Variants in PPP3CA observed in about 807,000 individuals in gnomAD.
The protein encoded by PPP3CA is protein phosphatase 3 catalytic subunit alpha.
Under a neutral mutation model 66.5 loss-of-function variants are expected in PPP3CA, and 14 were observed. The observed-to-expected ratio is 0.21, with a 90% confidence interval of 0.14 to 0.33. PPP3CA has a LOEUF of 0.33. Among genes scored for constraint, PPP3CA ranks in the 10% least tolerant of loss-of-function variants. The pLI, the probability that PPP3CA is intolerant of heterozygous loss-of-function variation, is 1.00. For synonymous variants in PPP3CA, 232 were observed against 226.2 expected (o/e 1.03, Z -0.23); for missense variants, 317 against 639.5 (o/e 0.50, Z 5.44).
intron 1 of PPP3CA, among the ~76,000 whole-genome samples, chr4:101,276,698 T>C (rs2850343): frequency 0.92 from 139,404 of 152,152 alleles, 64,053 homozygotes; most frequent in African/African-American, 0.97. Flanking sequence ...GCATGTTTAC[T>C]ATATTAAAAT....
At chr4:101,229,364 T>C (rs1194854615) in intron 1 of PPP3CA, among the ~76,000 whole-genome samples, 2 of 151,672 alleles carry the variant, frequency 1.3e-5, no homozygotes, top group Non-Finnish European at 3.0e-5. Context: ...AAGCCAGCTA[T>C]CTATACAAGG....
chr4:101,040,344 C>T, intron 11 of PPP3CA, 138 bp downstream of exon 11: 1 of 578,084 alleles, frequency 1.7e-6, no homozygotes, highest in Non-Finnish European at 2.7e-6. Flanking sequence ...TTTAATTTTC[C>T]TCAATTTTTA....
At chr4:101,091,895 G>C (rs955381557) in intron 6 of PPP3CA, among the ~76,000 whole-genome samples, 1 of 122,628 alleles carries the variant, frequency 8.2e-6, no homozygotes, top group Admixed American at 7.7e-5. Flanking sequence ...GGAGGAAGGA[G>C]GAGAAGAGGA....
intron 2 of PPP3CA, among the ~76,000 whole-genome samples, chr4:101,184,494 G>C (rs886220753): frequency 2.0e-5 from 3 of 151,922 alleles, no homozygotes; most frequent in Middle Eastern, 3.2e-3. Flanking sequence ...AGAAGTAAAA[G>C]ACTTAGTAAA....
At chr4:101,037,694 G>C (rs930873294) in intron 11 of PPP3CA, among the ~76,000 whole-genome samples, 5 of 151,900 alleles carry the variant, frequency 3.3e-5, no homozygotes, top group African/African-American at 1.2e-4. Flanking sequence ...AGTGAAACAT[G>C]GGTTAGAGCA....
chr4:101,292,864 T>C (rs964208406), intron 1 of PPP3CA, among the ~76,000 whole-genome samples: 2 of 152,206 alleles, frequency 1.3e-5, no homozygotes, highest in African/African-American at 4.8e-5. Flanking sequence ...GAATATTCAA[T>C]CTAGTTTGTA....
At chr4:101,201,551 T>C (rs1724967430) in intron 1 of PPP3CA, among the ~76,000 whole-genome samples, 1 of 152,214 alleles carries the variant, frequency 6.6e-6, no homozygotes, top group African/African-American at 2.4e-5. Flanking sequence ...TTTTCCCTCT[T>C]AACAAGCTCC....
intron 10 of PPP3CA, among the ~76,000 whole-genome samples, chr4:101,046,371 T>C (rs1014465196): frequency 2.0e-5 from 3 of 152,160 alleles, no homozygotes; most frequent in Non-Finnish European, 1.5e-5. Context: ...TTTTATTTGA[T>C]AGAAACACTA....
chr4:101,123,900 G>C (rs551611451), intron 2 of PPP3CA, among the ~76,000 whole-genome samples: 7 of 152,272 alleles, frequency 4.6e-5, no homozygotes, highest in African/African-American at 1.7e-4. Flanking sequence ...TAAAAAATTT[G>C]ATAAAGTTGT....
At chr4:101,291,921 G>A (rs933564221) in intron 1 of PPP3CA, among the ~76,000 whole-genome samples, 17 of 152,204 alleles carry the variant, frequency 1.1e-4, no homozygotes, top group African/African-American at 3.6e-4. Flanking sequence ...TTGAGCCCAC[G>A]GGTTTGAGAC....
At chr4:101,121,954 G>T (rs537736542) in intron 2 of PPP3CA, among the ~76,000 whole-genome samples, 1 of 152,150 alleles carries the variant, frequency 6.6e-6, no homozygotes, top group African/African-American at 2.4e-5. Flanking sequence ...TGTGAAATGT[G>T]AACTGCTAAA....
intron 8 of PPP3CA, among the ~76,000 whole-genome samples, chr4:101,078,831 C>G (rs1459866571): frequency 6.6e-6 from 1 of 152,166 alleles, no homozygotes; most frequent in Non-Finnish European, 1.5e-5. Flanking sequence ...CAGTGAATCA[C>G]TGACTCCCAC....
intron 6 of PPP3CA, among the ~76,000 whole-genome samples, chr4:101,092,681 T>C (rs1047033872): frequency 2.6e-5 from 4 of 152,110 alleles, no homozygotes; most frequent in African/African-American, 9.7e-5. Flanking sequence ...AGTGAGAACA[T>C]GAGGTGTTTG....
chr4:101,062,702 C>G (rs1470683344), intron 9 of PPP3CA, among the ~76,000 whole-genome samples: 1 of 151,912 alleles, frequency 6.6e-6, no homozygotes, highest in Non-Finnish European at 1.5e-5. Context: ...TGTTCTGTAC[C>G]TTATAATGCG....
intron 2 of PPP3CA, among the ~76,000 whole-genome samples, chr4:101,127,962 C>T (rs1351305637): frequency 6.6e-6 from 1 of 152,200 alleles, no homozygotes; most frequent in Non-Finnish European, 1.5e-5. Flanking sequence ...GGCAGTCTCA[C>T]TCTGGGGACT....
chr4:101,169,434 T>C (rs1346845007), intron 2 of PPP3CA, among the ~76,000 whole-genome samples: 2 of 152,170 alleles, frequency 1.3e-5, no homozygotes, highest in Non-Finnish European at 2.9e-5. Context: ...CAGGCTACCA[T>C]GTCATGAGAC....
At chr4:101,049,966 T>C (rs557624408) in intron 10 of PPP3CA, among the ~76,000 whole-genome samples, 2 of 152,060 alleles carry the variant, frequency 1.3e-5, no homozygotes, top group Non-Finnish European at 2.9e-5. Context: ...TCTTTTGCTA[T>C]TCACAATTCA....
At chr4:101,070,230 GTTGT>G (rs1419150589) in intron 8 of PPP3CA, among the ~76,000 whole-genome samples, 2 of 152,006 alleles carry the variant, frequency 1.3e-5, no homozygotes, top group Non-Finnish European at 2.9e-5. Context: ...GCTTAATTGT[GTTGT>G]TTGAAGAAAA....
At chr4:101,190,074 T>C (rs1416254718) in intron 2 of PPP3CA, among the ~76,000 whole-genome samples, 1 of 152,052 alleles carries the variant, frequency 6.6e-6, no homozygotes, top group Non-Finnish European at 1.5e-5. Context: ...AAAATATGAG[T>C]ATTACCTGGG....
Sources: gnomAD v4.1 joint callset for allele counts (sites outside exome capture counted in the v4.1 genomes callset) on GRCh38, gnomAD v4.1.1 for gene constraint, MANE v1.5 for transcripts, NCBI Gene and HGNC (gene_info 2026-07-23, HGNC 2026-07-21) for gene names.